Variants in ADAM12 observed in about 807,000 individuals in gnomAD.
The protein encoded by ADAM12 is disintegrin and metalloproteinase domain-containing protein 12.
ADAM12 carries 70 observed loss-of-function variants against 106.4 expected under a neutral mutation model. The observed-to-expected ratio is 0.66, with a 90% CI of 0.54 to 0.80. ADAM12 has a LOEUF of 0.80. ADAM12 is among the 30% of genes least tolerant of loss of function. The pLI, the probability that ADAM12 is intolerant of heterozygous loss-of-function variation, is 0.00. For synonymous variants in ADAM12, 420 were observed against 433.5 expected, an observed-to-expected ratio of 0.97 and a Z score of 0.39; for missense variants, 1,010 against 1,171.9, an observed-to-expected ratio of 0.86 and a Z score of 2.02.
chr10:126,290,118 A>G (rs1960079999), intron 2 of ADAM12, among the ~76,000 whole-genome samples: 1 of 152,170 alleles, frequency 6.6e-6, no homozygotes, highest in African/African-American at 2.4e-5. Context: ...GCTTACTCTG[A>G]AGGTGCCAGA....
At chr10:126,300,789 G>T (rs528336707) in intron 2 of ADAM12, among the ~76,000 whole-genome samples, 14 of 152,098 alleles carry the variant, frequency 9.2e-5, no homozygotes, top group South Asian at 6.2e-4. Context: ...GGCTACATAG[G>T]TTGAGTGTGT....
chr10:126,303,377 G>C (rs1010022046), intron 2 of ADAM12, among the ~76,000 whole-genome samples: 10 of 152,114 alleles, frequency 6.6e-5, no homozygotes, highest in Non-Finnish European at 1.2e-4. Flanking sequence ...TTATTAAATT[G>C]GTTGTTTGTG....
At chr10:126,358,135 C>T (rs972165900) in intron 1 of ADAM12, among the ~76,000 whole-genome samples, 59 of 149,376 alleles carry the variant, frequency 3.9e-4, no homozygotes, top group South Asian at 6.4e-4. Flanking sequence ...GCCGAGATCG[C>T]GCCACTGCAC....
chr10:126,152,439 A>G (rs767458832), intron 4 of ADAM12, among the ~76,000 whole-genome samples: 8 of 152,058 alleles, frequency 5.3e-5, no homozygotes, highest in Non-Finnish European at 1.0e-4. Context: ...TACAGTTTCA[A>G]AATTCTTTTA....
At chr10:126,115,125 A>C (rs1955956199) in intron 6 of ADAM12, among the ~76,000 whole-genome samples, 3 of 152,198 alleles carry the variant, frequency 2.0e-5, no homozygotes, top group Non-Finnish European at 4.4e-5. Flanking sequence ...ACAGTACCCA[A>C]GCAAACATTT....
intron 14 of ADAM12, among the ~76,000 whole-genome samples, chr10:126,058,966 G>T (rs886421390): frequency 6.6e-6 from 1 of 152,184 alleles, no homozygotes; most frequent in African/African-American, 2.4e-5. Context: ...TTACATCAAT[G>T]TAGAGCCTTT....
chr10:126,116,179 A>T lies in ADAM12; in HGVS notation c.603+1859T>A, dbSNP rs114034487. Among the ~76,000 whole-genome samples, 1,143 of 152,366 alleles carry T rather than the reference A, an allele frequency of 7.5e-3. 16 individuals carry two copies. Among genetic ancestry groups the T allele is most frequent in the African/African-American group, 0.026 (1,092 of 41,582 alleles). ...AAGAATTAAAATATGGCTGGCAAGT[A>T]CAGACCAAGTGTGTACTTCTATATG... is the stretch of plus-strand genomic sequence containing the variant. On this transcript the variant is annotated intron_variant, in intron 6 of 22. Coordinates refer to ENST00000448723, the MANE Select transcript of ADAM12 (RefSeq NM_001288973.2).
At chr10:126,249,448 C>T (rs1958700650) in intron 3 of ADAM12, among the ~76,000 whole-genome samples, 4 of 152,198 alleles carry the variant, frequency 2.6e-5, no homozygotes, top group Admixed American at 2.6e-4. Context: ...GCCTGTAATC[C>T]CAGCACTTCG....
chr10:126,373,171 T>C (rs1278547581), intron 1 of ADAM12, among the ~76,000 whole-genome samples: 5 of 152,226 alleles, frequency 3.3e-5, no homozygotes, highest in Admixed American at 2.6e-4. Context: ...ATCTTCTTTG[T>C]ATACTAGAAT....
intron 11 of ADAM12, among the ~76,000 whole-genome samples, chr10:126,086,091 C>T (rs187401877): frequency 1.4e-4 from 21 of 152,200 alleles, no homozygotes; most frequent in Non-Finnish European, 2.9e-4. Context: ...GCTGGGTTAA[C>T]GAGCCAGTGA....
chr10:126,039,164 G>C (rs1954114269), intron 19 of ADAM12, 130 bp downstream of exon 19: 1 of 1,095,854 alleles, frequency 9.1e-7, no homozygotes, highest in South Asian at 1.5e-5. Context: ...TTTCACCGTG[G>C]TCTCGATCTC....
chr10:126,266,972 G>C (rs1459521686), intron 3 of ADAM12, among the ~76,000 whole-genome samples: 1 of 152,158 alleles, frequency 6.6e-6, no homozygotes, highest in Non-Finnish European at 1.5e-5. Context: ...CAGGAGATTT[G>C]ATGGGACACA....
intron 3 of ADAM12, among the ~76,000 whole-genome samples, chr10:126,164,979 C>T (rs866442301): frequency 6.6e-6 from 1 of 152,152 alleles, no homozygotes; most frequent in African/African-American, 2.4e-5. Context: ...CTTGTCTTTG[C>T]AAATATTTAT....
At chr10:126,206,855 G>GT (rs1554986867) in intron 3 of ADAM12, among the ~76,000 whole-genome samples, 1 of 28,932 alleles carries the variant, frequency 3.5e-5, no homozygotes, top group East Asian at 5.2e-4. Context: ...CATGTGTTGT[G>GT]GGGGCGGGGG....
rs149324830 is a variant in ADAM12 at position 126,026,742 on chromosome 10, T to A, written c.2530-6917A>T. On this transcript the variant is annotated intron_variant, in intron 21 of 22. Coordinates refer to ENST00000448723, the MANE Select transcript of ADAM12 (RefSeq NM_001288973.2). ...AACTAATGAGAACAAAGAGCCAACA[T>A]ACCAGAATCTCTGAGAAGCAGCTAA... is the stretch of plus-strand genomic sequence containing the variant. Among the ~76,000 whole-genome samples, 42 of 152,208 alleles carry A rather than the reference T, an allele frequency of 2.8e-4. No homozygotes were observed. In the East Asian group the frequency reaches 5.8e-3, roughly 21 times the overall value.
intron 3 of ADAM12, among the ~76,000 whole-genome samples, chr10:126,173,214 C>A (rs541482202): frequency 4.6e-5 from 7 of 152,162 alleles, no homozygotes. Flanking sequence ...ATGTAACGAA[C>A]CTGCACGTTC....
chr10:126,162,336 G>T (rs574649257), intron 3 of ADAM12, among the ~76,000 whole-genome samples: 1 of 152,272 alleles, frequency 6.6e-6, no homozygotes, highest in East Asian at 1.9e-4. Context: ...AGCGAGAGGG[G>T]ACTGCATCCT....
chr10:126,078,264 A>G (rs1373649292), intron 11 of ADAM12, among the ~76,000 whole-genome samples: 1 of 152,114 alleles, frequency 6.6e-6, no homozygotes, highest in African/African-American at 2.4e-5. Flanking sequence ...TTATGGAGCA[A>G]TAGTTTTCAA....
chr10:126,331,177 C>T (rs1043266181), intron 1 of ADAM12, among the ~76,000 whole-genome samples: 12 of 152,206 alleles, frequency 7.9e-5, no homozygotes, highest in South Asian at 2.1e-4. Flanking sequence ...ACAATCCTCA[C>T]GGAAAGTATA....
Sources: allele counts gnomAD v4.1 joint callset (sites outside exome capture counted in the v4.1 genomes callset), GRCh38; gene constraint gnomAD v4.1.1; transcripts MANE v1.5; gene names NCBI Gene and HGNC (gene_info 2026-07-23, HGNC 2026-07-21).